Variants in MYO7B observed in about 807,000 individuals in gnomAD.
MYO7B encodes the protein myosin VIIB, also known as unconventional myosin-VIIb.
A neutral mutation model predicts 259.7 loss-of-function variants in MYO7B; 212 were observed. That is an observed-to-expected ratio of 0.82 (90% CI 0.73 to 0.91). The LOEUF (loss-of-function observed/expected upper bound fraction) is 0.91, where lower values mean the gene tolerates loss of function less well. Ranked by LOEUF, MYO7B falls within the 40% of genes least tolerant of loss-of-function variation. MYO7B has a pLI of 0.00. For synonymous variants in MYO7B, 1,197 were observed against 1,166.4 expected (o/e 1.03, Z -0.54); for missense variants, 2,732 against 2,813.5 (o/e 0.97, Z 0.66).
intron 6 of MYO7B, among the ~76,000 whole-genome samples, chr2:127,570,394 C>T (rs1308587664): frequency 2.6e-5 from 4 of 152,172 alleles, no homozygotes; most frequent in African/African-American, 9.7e-5. Context: ...CAGCTTGGGT[C>T]GGGAGAGGCT....
At chr2:127,582,268 C>T in intron 11 of MYO7B, 36 bp from the exon 12 acceptor site, 1 of 1,608,562 alleles carries the variant, frequency 6.2e-7, no homozygotes, top group Non-Finnish European at 8.5e-7. Flanking sequence ...CCTGAGCCTC[C>T]AAGCCCAGGA....
chr2:127,626,915 A>T, intron 31 of MYO7B, 60 bp from the exon 32 acceptor site: 1 of 1,430,916 alleles, frequency 7.0e-7, no homozygotes, highest in African/African-American at 1.4e-5. Context: ...CCTGAGCACT[A>T]GGTGAGGGAT....
intron 5 of MYO7B, among the ~76,000 whole-genome samples, chr2:127,568,935 C>T (rs368467112): frequency 8.6e-5 from 13 of 151,152 alleles, no homozygotes; most frequent in East Asian, 5.9e-4. Flanking sequence ...AGGCCAAGCA[C>T]GGTGGTTTAT....
intron 7 of MYO7B, among the ~76,000 whole-genome samples, chr2:127,575,871 T>C (rs1678846328): frequency 6.6e-6 from 1 of 152,204 alleles, no homozygotes; most frequent in Non-Finnish European, 1.5e-5. Flanking sequence ...TCTTCCCGCC[T>C]CAGCCTCCCA....
rs13412280 is a variant in MYO7B at position 127,571,887 on chromosome 2, T to C, written c.592+1977T>C. ...GTTTGTGGCTTGTCTTTTCATTCTC[T>C]AGACAGGGTCTTTTGCAGGGCAGAA... On this transcript the variant is annotated intron_variant, in intron 6 of 47. Coordinates refer to ENST00000409816, the MANE Select transcript of MYO7B (RefSeq NM_001393586.1). Among the ~76,000 whole-genome samples, 642 of 152,350 alleles carry C rather than the reference T, an allele frequency of 4.2e-3. 6 individuals carry two copies. Among genetic ancestry groups the C allele is most frequent in the African/African-American group, 0.015 (606 of 41,594 alleles).
At position 127,627,245 on chromosome 2, in the gene MYO7B, G is replaced by A. The variant is rs756145477; in HGVS notation, c.4395G>A (p.Leu1465=). The change falls in exon 33 of 48, where the codon CTG becomes CTA. Residue 1465 remains leucine (L), a synonymous_variant. Transcript: ENST00000409816. The surrounding 1 kb of genome is among the most constrained non-coding windows in gnomAD (Gnocchi z 5.6). ...LAVNWKGLCF[L]DQQEKMLLEL... Reference sequence around the variant, plus strand: ...TTAACTGGAAGGGGCTTTGCTTCCTGGACCAGCAGGAGAAGATGCTGCTGG... The same window carrying A: ...TTAACTGGAAGGGGCTTTGCTTCCTAGACCAGCAGGAGAAGATGCTGCTGG... 6.2e-7 allele frequency: 1 copy of A among 1,611,944 alleles called. No homozygotes were observed. The highest frequency in any genetic ancestry group is 8.5e-7 in the Non-Finnish European group (1 of 1,179,266).
chr2:127,571,377 G>C (rs1678598004), intron 6 of MYO7B, among the ~76,000 whole-genome samples: 2 of 133,228 alleles, frequency 1.5e-5, no homozygotes, highest in Admixed American at 1.6e-4. Flanking sequence ...CTCTGGTGAA[G>C]TGTCAGTTCA....
intron 1 of MYO7B, among the ~76,000 whole-genome samples, chr2:127,543,191 A>G (rs1693077566): frequency 6.6e-6 from 1 of 152,138 alleles, no homozygotes; most frequent in Admixed American, 6.5e-5. Context: ...AGGCTATCAC[A>G]TGGGGAGAAA....
intron 34 of MYO7B, among the ~76,000 whole-genome samples, chr2:127,629,119 A>T (rs1324133669): frequency 4.6e-5 from 7 of 152,176 alleles, no homozygotes; most frequent in African/African-American, 9.6e-5. Flanking sequence ...TGGTTAGTGC[A>T]GGGACTTCAG....
chr2:127,636,547 A>C lies in MYO7B; in HGVS notation c.6126A>C (p.Gln2042His). The change falls in exon 46 of 48, where the codon CAA becomes CAC. Residue 2042 changes from glutamine (Q) to histidine (H), a missense_variant and splice_region_variant. Transcript: ENST00000409816. This position sits in a 1 kb window ranked among gnomAD's most constrained non-coding sequence, Gnocchi z 4.5. ...ACCGCCGTGTCCCTCCCTCCCAGCA[A>C]ACCTCGGAGCCTTCCTACCCGGACG... Reference protein sequence around the residue: ...TFGSAFFEVKQTSEPSYPDVI... With the variant: ...TFGSAFFEVKHTSEPSYPDVI... 2 of 1,610,254 alleles carry C rather than the reference A, an allele frequency of 1.2e-6. No individual in the cohort carries two copies. Among genetic ancestry groups the C allele is most frequent in the Non-Finnish European group, 1.7e-6 (2 of 1,178,364 alleles).
intron 10 of MYO7B, among the ~76,000 whole-genome samples, chr2:127,581,666 C>A (rs1679104608): frequency 6.6e-6 from 1 of 152,124 alleles, no homozygotes; most frequent in Non-Finnish European, 1.5e-5. Flanking sequence ...GGGAGCCAGC[C>A]CCTTTCTCAG....
chr2:127,612,741 C>A, intron 26 of MYO7B, 138 bp downstream of exon 26: 1 of 1,328,272 alleles, frequency 7.5e-7, no homozygotes, highest in Non-Finnish European at 1.0e-6. Context: ...CTCAGGACAG[C>A]AGATGTCATA....
chr2:127,614,285 C>T lies in MYO7B; in HGVS notation c.3398+1682C>T, dbSNP rs1295926678. 6.6e-6 allele frequency among the ~76,000 whole-genome samples: 1 copy of T among 152,116 alleles called. No individual in the cohort carries two copies. The highest frequency in any genetic ancestry group is 1.5e-5 in the Non-Finnish European group (1 of 68,030). ...TGACTCTAGGCTGAAGTGGAACATC[C>T]CACAGCCTCTTACTGCTGGGGTCTT... On this transcript the variant is annotated intron_variant, in intron 26 of 47. Transcript: ENST00000409816. The surrounding 1 kb of genome is among the most constrained non-coding windows in gnomAD (Gnocchi z 4.6).
At chr2:127,565,478 C>T (rs77172937) in intron 4 of MYO7B, 93 bp downstream of exon 4, 89 of 1,487,260 alleles carry the variant, frequency 6.0e-5, no homozygotes, top group African/African-American at 1.7e-4. Flanking sequence ...GGGGGCACTG[C>T]CCCCCATGCC....
chr2:127,576,903 C>T lies in MYO7B; in HGVS notation c.849+195C>T, dbSNP rs775684886. On this transcript the variant is annotated intron_variant, in intron 8 of 47. Transcript: ENST00000409816. This position sits in a 1 kb window ranked among gnomAD's most constrained non-coding sequence, Gnocchi z 4.9. ...CTTGCCCGCGTGCCTCCCGCTTCCC[C>T]GTCACATGTACCCCATGCCCCAGGC... Among the ~76,000 whole-genome samples the T allele has an allele frequency of 3.9e-5, 6 of 152,122 alleles. No homozygotes were observed. Among genetic ancestry groups the T allele is most frequent in the African/African-American group, 1.4e-4 (6 of 41,410 alleles).
chr2:127,588,333 C>T, intron 14 of MYO7B, 59 bp from the exon 15 acceptor site: 1 of 1,582,586 alleles, frequency 6.3e-7, no homozygotes, highest in Non-Finnish European at 8.6e-7. Context: ...CCTCTTCTTC[C>T]CCATGGGTGG....
In MYO7B at chr2:127,610,062, G is replaced by T. The variant is rs747103980; in HGVS notation, c.3192+46G>T. On this transcript the variant is annotated intron_variant, in intron 24 of 47. Coordinates refer to ENST00000409816, the MANE Select transcript of MYO7B (RefSeq NM_001393586.1). ...GGCAGAGGAGGGCGACACCTACCAG[G>T]TGCCTACCAGGGCCCAGTCCCTGGG... The T allele has an allele frequency of 1.7e-5, 27 of 1,590,654 alleles. No individual in the cohort carries two copies. In the Admixed American group the frequency reaches 1.9e-4, roughly 11 times the overall value.
intron 10 of MYO7B, 32 bp from the exon 11 acceptor site, chr2:127,581,859 A>G (rs776886914): frequency 6.2e-7 from 1 of 1,612,122 alleles, no homozygotes; most frequent in African/African-American, 1.3e-5. Context: ...CCTGCTCCAC[A>G]GGTGCGACGC....
At chr2:127,564,310 ATCCAGGGCCCTGGAGCCC>A in intron 3 of MYO7B, 44 bp downstream of exon 3, 1 of 1,461,838 alleles carries the variant, frequency 6.8e-7, no homozygotes, top group Non-Finnish European at 9.3e-7. Context: ...CTGCCCTCAC[ATCCAGGGCCCTGGAGCCC>A]TCCCCGCCCT....
Sources: allele counts gnomAD v4.1 joint callset (sites outside exome capture counted in the v4.1 genomes callset), GRCh38; gene constraint gnomAD v4.1.1; non-coding constraint Gnocchi (gnomAD v3.1); transcripts MANE v1.5; gene names NCBI Gene and HGNC (gene_info 2026-07-23, HGNC 2026-07-21).